Variants in KIAA1217 observed in about 807,000 individuals in gnomAD.
KIAA1217 encodes KIAA1217, also known as sickle tail protein homolog.
Under a neutral mutation model 163.9 loss-of-function variants are expected in KIAA1217, and 88 were observed. That is an observed-to-expected ratio of 0.54 (90% CI 0.45 to 0.64). The LOEUF is 0.64. Ranked by LOEUF, KIAA1217 falls within the 30% of genes least tolerant of loss-of-function variation. KIAA1217 has a pLI of 0.00. For missense variants in KIAA1217, 2,372 were observed against 2,475.0 expected (o/e 0.96, Z 0.88); for synonymous variants, 903 against 923.1 (o/e 0.98, Z 0.39).
At chr10:24,096,581 T>C (rs1047490565) in intron 2 of KIAA1217, among the ~76,000 whole-genome samples, 2 of 152,176 alleles carry the variant, frequency 1.3e-5, no homozygotes, top group African/African-American at 2.4e-5. Flanking sequence ...GTCTGGCCCC[T>C]GGTGACCTCC....
chr10:24,285,536 A>G (rs900305867), intron 2 of KIAA1217, among the ~76,000 whole-genome samples: 5 of 151,854 alleles, frequency 3.3e-5, no homozygotes, highest in African/African-American at 9.7e-5. Flanking sequence ...GTGTGGCTTT[A>G]TTTGTGGGTT....
chr10:24,002,877 G>A (rs965274559), intron 1 of KIAA1217, among the ~76,000 whole-genome samples: 8 of 152,054 alleles, frequency 5.3e-5, no homozygotes, highest in South Asian at 2.1e-4. Context: ...GTTTAGCTCC[G>A]AAGTTATAAG....
intron 2 of KIAA1217, among the ~76,000 whole-genome samples, chr10:24,337,652 T>A (rs2046558946): frequency 7.5e-6 from 1 of 133,144 alleles, no homozygotes; most frequent in East Asian, 2.2e-4. Flanking sequence ...TTTCTTTTCT[T>A]TTTTTTTTTT....
At chr10:23,897,031 C>T (rs1487958917) in intron 1 of KIAA1217, among the ~76,000 whole-genome samples, 1 of 152,026 alleles carries the variant, frequency 6.6e-6, no homozygotes, top group Non-Finnish European at 1.5e-5. Flanking sequence ...TTGTTAATAA[C>T]ACTTTTTGGA....
chr10:23,966,117 T>G (rs1038536058), intron 1 of KIAA1217, among the ~76,000 whole-genome samples: 6 of 152,146 alleles, frequency 3.9e-5, no homozygotes, highest in African/African-American at 1.4e-4. Context: ...GCCCTGTGCT[T>G]AGAAGGGCCC....
chr10:24,041,374 C>A (rs1235541478), intron 2 of KIAA1217, among the ~76,000 whole-genome samples: 1 of 152,154 alleles, frequency 6.6e-6, no homozygotes, highest in East Asian at 1.9e-4. Flanking sequence ...AAAAATGTGA[C>A]CCCTTGAACA....
intron 3 of KIAA1217, among the ~76,000 whole-genome samples, chr10:24,417,703 G>T (rs1369459983): frequency 6.6e-6 from 1 of 152,004 alleles, no homozygotes; most frequent in Admixed American, 6.6e-5. Flanking sequence ...GGGAAGAAGT[G>T]GTACCCAAGG....
intron 1 of KIAA1217, among the ~76,000 whole-genome samples, chr10:23,846,515 T>A (rs1308150475): frequency 6.6e-6 from 1 of 152,202 alleles, no homozygotes; most frequent in Non-Finnish European, 1.5e-5. Context: ...AGTTCACTCA[T>A]GATTTGGCTC....
At chr10:24,301,936 T>C (rs2041400572) in intron 2 of KIAA1217, among the ~76,000 whole-genome samples, 2 of 152,064 alleles carry the variant, frequency 1.3e-5, no homozygotes. Flanking sequence ...TCCCAGCTAC[T>C]TGGGAGGCTG....
At chr10:24,245,851 T>C (rs72774819) in intron 2 of KIAA1217, among the ~76,000 whole-genome samples, 39,889 of 151,364 alleles carry the variant, frequency 0.26, 6,031 homozygotes, top group East Asian at 0.37. Flanking sequence ...TTACTTAGGC[T>C]GGTCTCAGAC....
At chr10:24,458,727 G>A (rs900777071) in intron 5 of KIAA1217, among the ~76,000 whole-genome samples, 1 of 151,962 alleles carries the variant, frequency 6.6e-6, no homozygotes, top group African/African-American at 2.4e-5. Flanking sequence ...GGAAAGCATT[G>A]GTAAATAGGA....
chr10:23,825,221 T>C (rs1276471307), intron 1 of KIAA1217, among the ~76,000 whole-genome samples: 1 of 152,258 alleles, frequency 6.6e-6, no homozygotes, highest in Admixed American at 6.5e-5. Flanking sequence ...CCACTTGTAA[T>C]ATATCATTGC....
chr10:24,099,348 C>T (rs958880643), intron 2 of KIAA1217, among the ~76,000 whole-genome samples: 11 of 150,878 alleles, frequency 7.3e-5, no homozygotes, highest in Admixed American at 4.6e-4. Context: ...CCCTACCCCA[C>T]GGCAGGTCCC....
At chr10:24,471,207 A>C (rs1010718032) in intron 5 of KIAA1217, among the ~76,000 whole-genome samples, 2 of 151,998 alleles carry the variant, frequency 1.3e-5, no homozygotes, top group African/African-American at 4.8e-5. Context: ...TTGGCTGCTC[A>C]TCTTGGTTCT....
intron 6 of KIAA1217, among the ~76,000 whole-genome samples, chr10:24,480,204 C>G (rs528831838): frequency 6.6e-6 from 1 of 152,170 alleles, no homozygotes; most frequent in Non-Finnish European, 1.5e-5. Flanking sequence ...AAACGTTGCT[C>G]TAAAGGAAAT....
At chr10:24,178,630 A>G (rs1324308549) in intron 2 of KIAA1217, among the ~76,000 whole-genome samples, 3 of 152,214 alleles carry the variant, frequency 2.0e-5, no homozygotes, top group Non-Finnish European at 4.4e-5. Context: ...AAGTAAAGGG[A>G]GGAAAAGGGA....
At chr10:23,936,369 C>T (rs543707602) in intron 1 of KIAA1217, among the ~76,000 whole-genome samples, 54 of 152,106 alleles carry the variant, frequency 3.6e-4, no homozygotes, top group Non-Finnish European at 7.1e-4. Flanking sequence ...CATTACCCCC[C>T]GGCCCCAACA....
intron 2 of KIAA1217, among the ~76,000 whole-genome samples, chr10:24,108,382 A>T (rs912105662): frequency 1.3e-5 from 2 of 152,216 alleles, no homozygotes; most frequent in African/African-American, 4.8e-5. Flanking sequence ...TTGAGGTTGT[A>T]TAGTAAATAA....
At chr10:24,040,500 A>G (rs954641228) in intron 2 of KIAA1217, among the ~76,000 whole-genome samples, 3 of 152,258 alleles carry the variant, frequency 2.0e-5, no homozygotes, top group African/African-American at 7.2e-5. Flanking sequence ...AAATGAAAGC[A>G]TGGACTTTCT....
Sources: allele counts gnomAD v4.1 joint callset (sites outside exome capture counted in the v4.1 genomes callset), GRCh38; gene constraint gnomAD v4.1.1; transcripts MANE v1.5; gene names NCBI Gene and HGNC (gene_info 2026-07-23, HGNC 2026-07-21).